Variants in FBXO36 observed in about 807,000 individuals in gnomAD.
FBXO36 encodes the protein F-box protein 36.
In FBXO36, 18 loss-of-function variants were observed where a neutral mutation model predicts 17.0. The observed-to-expected ratio is 1.06, with a 90% CI of 0.73 to 1.57. The LOEUF (loss-of-function observed/expected upper bound fraction) is 1.57. Among genes scored for constraint, FBXO36 ranks in the 40% most tolerant of loss-of-function variants. The pLI is 0.00. For synonymous variants in FBXO36, 83 were observed against 85.3 expected (o/e 0.97, Z 0.15); for missense variants, 229 against 221.9 (o/e 1.03, Z -0.20).
chr2:229,976,478 G>A (rs1447560588), intron 2 of FBXO36, 129 bp downstream of exon 2: 2 of 635,952 alleles, frequency 3.1e-6, no homozygotes, highest in Admixed American at 3.1e-5. Context: ...CATATACAAT[G>A]TTAGATTCTT....
chr2:229,958,424 C>T (rs772411893), intron 1 of FBXO36, among the ~76,000 whole-genome samples: 6 of 151,912 alleles, frequency 3.9e-5, no homozygotes, highest in Non-Finnish European at 5.9e-5. Context: ...GCGCCCGCCA[C>T]GGCGCCCGGC....
At chr2:229,991,060 C>T (rs896895679) in intron 2 of FBXO36, among the ~76,000 whole-genome samples, 4 of 151,874 alleles carry the variant, frequency 2.6e-5, no homozygotes, top group Non-Finnish European at 5.9e-5. Context: ...CTCAGCCTCC[C>T]TAGCAGCTGG....
chr2:229,962,281 T>G (rs2077125482), intron 1 of FBXO36, among the ~76,000 whole-genome samples: 1 of 152,134 alleles, frequency 6.6e-6, no homozygotes, highest in African/African-American at 2.4e-5. Context: ...CATATTCATT[T>G]TCTAACTACT....
At chr2:229,951,095 G>A (rs1013702143) in intron 1 of FBXO36, among the ~76,000 whole-genome samples, 5 of 151,554 alleles carry the variant, frequency 3.3e-5, no homozygotes, top group East Asian at 1.9e-4. Flanking sequence ...CACCACACCC[G>A]GCTAATTTTT....
intron 1 of FBXO36, among the ~76,000 whole-genome samples, chr2:229,939,469 G>C (rs929684942): frequency 2.0e-5 from 3 of 151,872 alleles, no homozygotes; most frequent in Admixed American, 2.0e-4. Flanking sequence ...AAATTAGCCG[G>C]ACATGGTGGT....
At chr2:229,940,505 C>T (rs1420057396) in intron 1 of FBXO36, among the ~76,000 whole-genome samples, 3 of 152,052 alleles carry the variant, frequency 2.0e-5, no homozygotes, top group African/African-American at 7.2e-5. Flanking sequence ...AATTATGTCT[C>T]CCCCCAAAAA....
intron 1 of FBXO36, chr2:229,939,141 G>A (rs1280363899): frequency 2.7e-6 from 2 of 733,214 alleles, no homozygotes; most frequent in African/African-American, 4.1e-5. Flanking sequence ...GCAACCTCCG[G>A]TTCCCGGGTT....
chr2:229,966,090 A>T (rs1268188238), intron 1 of FBXO36, among the ~76,000 whole-genome samples: 1 of 152,156 alleles, frequency 6.6e-6, no homozygotes, highest in African/African-American at 2.4e-5. Flanking sequence ...ATGAGATGGT[A>T]TCTCATTGTG....
intron 1 of FBXO36, among the ~76,000 whole-genome samples, chr2:229,962,213 A>T (rs896086554): frequency 6.6e-6 from 1 of 151,760 alleles, no homozygotes; most frequent in South Asian, 2.1e-4. Context: ...TCCTTATGTT[A>T]TTTATTTTTA....
At chr2:229,944,246 G>A (rs2077014687) in intron 1 of FBXO36, among the ~76,000 whole-genome samples, 1 of 152,076 alleles carries the variant, frequency 6.6e-6, no homozygotes, top group Non-Finnish European at 1.5e-5. Flanking sequence ...TGTATTTTAG[G>A]AGTCAGCACT....
intron 1 of FBXO36, among the ~76,000 whole-genome samples, chr2:229,926,441 A>T (rs2076912722): frequency 6.6e-6 from 1 of 151,824 alleles, no homozygotes; most frequent in Non-Finnish European, 1.5e-5. Context: ...TAAAATAAAT[A>T]AATAAATAAA....
At chr2:229,958,502 C>A (rs1327451422) in intron 1 of FBXO36, among the ~76,000 whole-genome samples, 2 of 152,148 alleles carry the variant, frequency 1.3e-5, no homozygotes, top group East Asian at 1.9e-4. Flanking sequence ...AACTCCTGAC[C>A]TTGTGATCTG....
intron 2 of FBXO36, among the ~76,000 whole-genome samples, chr2:229,994,929 C>T (rs1195578099): frequency 7.2e-5 from 11 of 151,862 alleles, no homozygotes; most frequent in Admixed American, 6.6e-4. Flanking sequence ...GCCTGACCAA[C>T]ATGGTGAAAC....
At chr2:229,972,344 A>C (rs937097098) in intron 1 of FBXO36, among the ~76,000 whole-genome samples, 1 of 152,174 alleles carries the variant, frequency 6.6e-6, no homozygotes, top group Admixed American at 6.6e-5. Flanking sequence ...AGGAAAATCA[A>C]ATACCAGGTC....
intron 2 of FBXO36, among the ~76,000 whole-genome samples, chr2:229,994,894 T>A (rs934514516): frequency 5.3e-5 from 8 of 152,066 alleles, no homozygotes; most frequent in African/African-American, 1.9e-4. Context: ...GGCGGGTGGA[T>A]CACCAGGTCA....
At chr2:229,978,799 G>A (rs1407435440) in intron 2 of FBXO36, among the ~76,000 whole-genome samples, 1 of 152,002 alleles carries the variant, frequency 6.6e-6, no homozygotes, top group Admixed American at 6.6e-5. Context: ...ACTAAGCATT[G>A]AAACTCAAAA....
At chr2:229,941,121 G>A (rs2076996157) in intron 1 of FBXO36, among the ~76,000 whole-genome samples, 1 of 152,116 alleles carries the variant, frequency 6.6e-6, no homozygotes, top group Admixed American at 6.6e-5. Flanking sequence ...GCAGCCATAG[G>A]ACTTGGGTGG....
At chr2:229,964,281 G>T (rs546084525) in intron 1 of FBXO36, among the ~76,000 whole-genome samples, 2 of 151,918 alleles carry the variant, frequency 1.3e-5, no homozygotes, top group African/African-American at 2.4e-5. Flanking sequence ...ATGTATAACC[G>T]CCATCATTAT....
intron 1 of FBXO36, among the ~76,000 whole-genome samples, chr2:229,937,515 A>T (rs549731492): frequency 2.0e-5 from 3 of 152,272 alleles, no homozygotes; most frequent in Admixed American, 6.5e-5. Context: ...ATAATAATTT[A>T]AAAAATAATA....
Sources: gnomAD v4.1 joint callset for allele counts (sites outside exome capture counted in the v4.1 genomes callset) on GRCh38, gnomAD v4.1.1 for gene constraint, MANE v1.5 for transcripts, NCBI Gene and HGNC (gene_info 2026-07-23, HGNC 2026-07-21) for gene names.